STPG4: variants seen among roughly 807,000 people sequenced by gnomAD.
The protein encoded by STPG4 is sperm-tail PG-rich repeat containing 4, also known as protein STPG4.
In STPG4, 41 loss-of-function variants were observed where a neutral mutation model predicts 31.5. That is an observed-to-expected ratio of 1.30 (90% CI 1.01 to 1.69). The LOEUF (loss-of-function observed/expected upper bound fraction) is 1.69. STPG4 is among the 40% of genes most tolerant of loss of function. STPG4 has a pLI of 0.00. For missense variants in STPG4, 375 were observed against 293.4 expected (o/e 1.28, Z -2.03); for synonymous variants, 141 against 103.0 (o/e 1.37, Z -2.24).
chr2:47,091,189 G>C (rs1460924168), intron 5 of STPG4, among the ~76,000 whole-genome samples: 1 of 151,726 alleles, frequency 6.6e-6, no homozygotes, highest in South Asian at 2.1e-4. Flanking sequence ...GAAGGAGAGA[G>C]GGAAAGAAGG....
At chr2:47,113,614 C>G (rs1168222702) in intron 5 of STPG4, among the ~76,000 whole-genome samples, 2 of 152,094 alleles carry the variant, frequency 1.3e-5, no homozygotes, top group African/African-American at 4.8e-5. Context: ...TTAAAAATAA[C>G]GATAAACAAG....
At chr2:47,107,705 C>G (rs1387741644) in intron 5 of STPG4, among the ~76,000 whole-genome samples, 2 of 152,180 alleles carry the variant, frequency 1.3e-5, no homozygotes, top group Non-Finnish European at 1.5e-5. Context: ...ACCTGCAGCC[C>G]TGGTGCGGGA....
rs1287352083 is a variant in STPG4 at position 47,148,461 on chromosome 2, T to C, written c.399+2797A>G. Among the ~76,000 whole-genome samples the C allele has an allele frequency of 2.0e-5, 3 of 152,042 alleles. No homozygotes were observed. In the East Asian group the frequency reaches 5.8e-4, roughly 29 times the overall value. On this transcript the variant is annotated intron_variant, in intron 3 of 6. Coordinates refer to ENST00000445927, the MANE Select transcript of STPG4 (RefSeq NM_001163561.2). Reference sequence around the variant, plus strand: ...AAAAAAAAATAGAAAGTCTCTCCAATACAGATTCTCGAGTTGAGTTACATG... The same window carrying C: ...AAAAAAAAATAGAAAGTCTCTCCAACACAGATTCTCGAGTTGAGTTACATG...
chr2:47,120,848 G>T (rs1316684002), intron 5 of STPG4, among the ~76,000 whole-genome samples: 1 of 152,092 alleles, frequency 6.6e-6, no homozygotes, highest in Non-Finnish European at 1.5e-5. Flanking sequence ...GTTTGGTGGG[G>T]CATCCAGGTC....
chr2:47,091,526 T>C (rs951200064), intron 5 of STPG4, among the ~76,000 whole-genome samples: 1 of 152,140 alleles, frequency 6.6e-6, no homozygotes, highest in African/African-American at 2.4e-5. Flanking sequence ...ATAGCTAGGG[T>C]TCCTTGCCTC....
rs1337903679 is a variant in STPG4 at position 47,129,803 on chromosome 2, A to G, written c.519+138T>C. On this transcript the variant is annotated intron_variant, in intron 5 of 6. Transcript: ENST00000445927. ...ACAGAGGTGTTTTCTTGTGTGGATAATTGTGTGGATAATGGTGTTCCTGCT... is the reference window on the plus strand; with the variant it reads ...ACAGAGGTGTTTTCTTGTGTGGATAGTTGTGTGGATAATGGTGTTCCTGCT... 3.7e-6 allele frequency: 4 copies of G among 1,068,490 alleles called. No homozygotes were observed. In the East Asian group the frequency reaches 1.0e-4, roughly 27 times the overall value. The allele number at this position is 1,068,490 out of a possible 1,614,324, so 66.2% of individuals were successfully genotyped here.
At chr2:47,110,692 A>G (rs1200423430) in intron 5 of STPG4, among the ~76,000 whole-genome samples, 1 of 152,236 alleles carries the variant, frequency 6.6e-6, no homozygotes, top group Admixed American at 6.5e-5. Context: ...ATAGCCATTA[A>G]AAGAATTTTA....
intron 5 of STPG4, among the ~76,000 whole-genome samples, chr2:47,120,213 C>T (rs1328952924): frequency 1.3e-5 from 2 of 152,164 alleles, no homozygotes; most frequent in African/African-American, 4.8e-5. Context: ...CACCTGTAAT[C>T]CCAGCTACTA....
At chr2:47,140,952 T>C (rs1402304814) in intron 3 of STPG4, among the ~76,000 whole-genome samples, 3 of 151,018 alleles carry the variant, frequency 2.0e-5, no homozygotes, top group African/African-American at 7.3e-5. Context: ...GGTGGTGTGA[T>C]CTCGGCTCAC....
Position 47,101,908 on chromosome 2 carries a change from G to C in STPG4, c.520-11534C>G, listed in dbSNP as rs559222832. Among the ~76,000 whole-genome samples the C allele has an allele frequency of 1.3e-4, 20 of 151,872 alleles. No individual in the cohort carries two copies. The South Asian group carries it at 4.2e-3, about 32-fold the overall frequency. On this transcript the variant is annotated intron_variant, in intron 5 of 6. Coordinates refer to ENST00000445927, the MANE Select transcript of STPG4 (RefSeq NM_001163561.2). ...GGGTAAAGTCCCAACACTAACAGGA[G>C]AATGCTTAGGACTCTAACAGGTTTT...
At chr2:47,152,391 G>A (rs549352640) in intron 2 of STPG4, among the ~76,000 whole-genome samples, 10 of 152,276 alleles carry the variant, frequency 6.6e-5, no homozygotes, top group African/African-American at 2.2e-4. Context: ...TCTTTCCACT[G>A]AGCACTCAGC....
At chr2:47,140,286 T>C (rs1023616380) in intron 3 of STPG4, among the ~76,000 whole-genome samples, 1 of 152,104 alleles carries the variant, frequency 6.6e-6, no homozygotes, top group Non-Finnish European at 1.5e-5. Context: ...GGGCAGGCCT[T>C]GTTAGTAAGA....
chr2:47,092,026 A>C (rs540101789), intron 5 of STPG4, among the ~76,000 whole-genome samples: 2 of 149,746 alleles, frequency 1.3e-5, no homozygotes, highest in South Asian at 4.2e-4. Flanking sequence ...AAGCTGAACA[A>C]ATGTGCATTA....
At chr2:47,110,603 A>C (rs1248819954) in intron 5 of STPG4, among the ~76,000 whole-genome samples, 14 of 152,254 alleles carry the variant, frequency 9.2e-5, no homozygotes, top group Admixed American at 9.2e-4. Flanking sequence ...CAAACAAACA[A>C]AATTATATTT....
chr2:47,149,251 C>T (rs562666291), intron 3 of STPG4, among the ~76,000 whole-genome samples: 5 of 152,180 alleles, frequency 3.3e-5, no homozygotes, highest in Non-Finnish European at 5.9e-5. Context: ...TCCGAGTAAG[C>T]CTAATTCTTT....
At chr2:47,142,274 C>CA (rs56407877) in intron 3 of STPG4, among the ~76,000 whole-genome samples, 131 of 151,410 alleles carry the variant, frequency 8.7e-4, no homozygotes, top group Non-Finnish European at 1.5e-3. Flanking sequence ...TCTTTTTGAC[C>CA]AAAAAAAAAG....
intron 6 of STPG4, 76 bp from the exon 7 acceptor site, chr2:47,087,206 G>C: frequency 6.6e-7 from 1 of 1,505,296 alleles, no homozygotes; most frequent in Non-Finnish European, 9.0e-7. Context: ...CTAGCCACTG[G>C]CTTGGATGTG....
At chr2:47,118,765 T>C (rs1228207492) in intron 5 of STPG4, among the ~76,000 whole-genome samples, 1 of 152,196 alleles carries the variant, frequency 6.6e-6, no homozygotes, top group Non-Finnish European at 1.5e-5. Context: ...CCCCAAGTTA[T>C]GAGGATTACA....
intron 5 of STPG4, among the ~76,000 whole-genome samples, chr2:47,105,658 C>G (rs535349776): frequency 1.3e-5 from 2 of 151,966 alleles, no homozygotes; most frequent in African/African-American, 2.4e-5. Context: ...GAATGGGATA[C>G]GAAGGGCAGG....
Sources: allele counts gnomAD v4.1 joint callset (sites outside exome capture counted in the v4.1 genomes callset), GRCh38; gene constraint gnomAD v4.1.1; transcripts MANE v1.5; gene names NCBI Gene and HGNC (gene_info 2026-07-23, HGNC 2026-07-21).